Variants in NR4A2 observed in about 807,000 individuals in gnomAD.
NR4A2 encodes nuclear receptor subfamily 4 group A member 2, also known as NGFI-B/nur77 beta-type transcription factor homolog.
NR4A2 carries 1 observed loss-of-function variant against 50.5 expected under a neutral mutation model. The observed-to-expected ratio is 0.02, with a 90% CI of 0.01 to 0.09. The LOEUF is 0.09. Among genes scored for constraint, NR4A2 ranks in the 10% least tolerant of loss-of-function variants. NR4A2 has a pLI of 1.00. For missense variants in NR4A2, 613 were observed against 777.3 expected, an observed-to-expected ratio of 0.79 and a Z score of 2.51; for synonymous variants, 328 against 309.4, an observed-to-expected ratio of 1.06 and a Z score of -0.63.
rs761370208 is a variant in NR4A2 at position 156,326,845 on chromosome 2, C to T, written c.1234G>A (p.Gly412Ser). 5.6e-6 allele frequency: 9 copies of T among 1,614,126 alleles called. No homozygotes were observed. The highest frequency in any genetic ancestry group is 8.5e-7 in the Non-Finnish European group (1 of 1,180,046). Reference protein sequence around the residue: ...HIQQFYDLLTGSMEIIRGWAE... With the variant: ...HIQQFYDLLTSSMEIIRGWAE... ...CAGCCCCGGATGATCTCCATGGAGC[C>T]AGTCAGGAGATCATAGAATTGCTGG... Residue 412 changes from glycine to serine, a missense_variant, in exon 6 of 8, where the codon GGC becomes AGC. By Grantham distance (56) the Gly-to-Ser change is moderately conservative (BLOSUM62 0). Coordinates refer to ENST00000339562, the MANE Select transcript of NR4A2 (RefSeq NM_006186.4). The surrounding 1 kb of genome is among the most constrained non-coding windows in gnomAD (Gnocchi z 4.2).
rs750763014 is a variant in NR4A2 at position 156,326,361 on chromosome 2, A to G, written c.1362-33T>C. 2 of 1,587,944 alleles carry G rather than the reference A, an allele frequency of 1.3e-6. No homozygotes were observed. Among genetic ancestry groups the G allele is most frequent in the Non-Finnish European group, 8.7e-7 (1 of 1,156,050 alleles). On this transcript the variant is annotated intron_variant, in intron 6 of 7. Transcript: ENST00000339562. This position sits in a 1 kb window ranked among gnomAD's most constrained non-coding sequence, Gnocchi z 4.2. ...TAATACCAAAGAGAGAGAGGGGAGA[A>G]AAAGAGAGAGAGAAAAGCTAAACAA...
At chr2:156,332,029 GC>G (rs1159335776) in intron 1 of NR4A2, 1 of 162,434 alleles carries the variant, frequency 6.2e-6, no homozygotes, top group Non-Finnish European at 1.4e-5. Context: ...TCGCGCGCTG[GC>G]CAGCCGCGGA....
rs1322669721 is a variant in NR4A2 at position 156,329,755 on chromosome 2, G to C, written c.432C>G (p.Asp144Glu). Residue 144 changes from aspartate to glutamate, a missense_variant, in exon 3 of 8, where the codon GAC (aspartate) becomes GAG (glutamate). Around this residue, in one of 4 missense-constraint regions of NR4A2, gnomAD observed 275 missense variants for 248.9 expected, o/e 1.10. Transcript: ENST00000339562. The surrounding 1 kb of genome is among the most constrained non-coding windows in gnomAD (Gnocchi z 7.5). ...GFQVQHSPMW[D>E]DPGSLHNFHQ... Reference sequence around the variant, plus strand: ...GGAAGTTGTGGAGAGATCCCGGGTCGTCCCACATGGGGCTGTGCTGCACCT... The same window carrying C: ...GGAAGTTGTGGAGAGATCCCGGGTCCTCCCACATGGGGCTGTGCTGCACCT... 8 of 1,613,432 alleles carry C rather than the reference G, an allele frequency of 5.0e-6. No homozygotes were observed. The Admixed American group carries it at 1.2e-4, about 24-fold the overall frequency.
At chr2:156,327,761 G>A in intron 5 of NR4A2, 90 bp downstream of exon 5, 1 of 1,497,204 alleles carries the variant, frequency 6.7e-7, no homozygotes, top group East Asian at 2.5e-5. Context: ...CTTTACCCCC[G>A]TTGAATCTGA....
Position 156,328,019 on chromosome 2 carries a change from A to C in NR4A2, c.995-5T>G, listed in dbSNP as rs775789577. The C allele has an allele frequency of 1.9e-6, 3 of 1,604,226 alleles. No individual in the cohort carries two copies. The highest frequency in any genetic ancestry group is 1.1e-5 in the South Asian group (1 of 89,332). Reference sequence around the variant, plus strand: ...TTAAACTGTCTGTGCGAACCACTGCAAAGGAAGAGCCCTGTTAGCGCCGCT... The same window carrying C: ...TTAAACTGTCTGTGCGAACCACTGCCAAGGAAGAGCCCTGTTAGCGCCGCT... On this transcript the variant is annotated splice_region_variant and splice_polypyrimidine_tract_variant and intron_variant, in intron 4 of 7. Coordinates refer to ENST00000339562, the MANE Select transcript of NR4A2 (RefSeq NM_006186.4). The surrounding 1 kb of genome is among the most constrained non-coding windows in gnomAD (Gnocchi z 4.9).
In NR4A2 at chr2:156,332,611, A is replaced by G; in HGVS notation, c.-258T>C. On this transcript the variant is annotated 5_prime_UTR_variant, in exon 1 of 8. Coordinates refer to ENST00000339562, the MANE Select transcript of NR4A2 (RefSeq NM_006186.4). Reference sequence around the variant, plus strand: ...GGGAACCCGGACACCTCACGGAGGGAGGGAGCAGGGACAGGCGGCCGGCTG... The same window carrying G: ...GGGAACCCGGACACCTCACGGAGGGGGGGAGCAGGGACAGGCGGCCGGCTG... The G allele has an allele frequency of 1.4e-6, 1 of 716,556 alleles. No individual in the cohort carries two copies. The highest frequency in any genetic ancestry group is 1.4e-5 in the South Asian group (1 of 69,504). 44.4% of individuals were successfully genotyped at this position (716,556 alleles called of 1,614,324 possible). A position where few individuals can be genotyped will look rare whatever the true frequency, so the allele number is the denominator to read the frequency against.
rs1458458471 is a variant in NR4A2, at chr2:156,328,801, GAGA to G, written c.865-271_865-269del. On this transcript the variant is annotated intron_variant, in intron 3 of 7. Transcript: ENST00000339562. This position sits in a 1 kb window ranked among gnomAD's most constrained non-coding sequence, Gnocchi z 4.9. ...GCTGTGTTTTATATGCCAAGAGAAG[GAGA>G]AGGAGACGCTCAGTAAATACAAATC... 1.3e-5 allele frequency among the ~76,000 whole-genome samples: 2 copies of G among 152,106 alleles called. No individual in the cohort carries two copies. Among genetic ancestry groups the G allele is most frequent in the African/African-American group, 2.4e-5 (1 of 41,408 alleles).
At chr2:156,331,667 A>G (rs1049432939) in intron 1 of NR4A2, 3 of 152,238 alleles carry the variant, frequency 2.0e-5, no homozygotes, top group Non-Finnish European at 4.4e-5. Context: ...AAGACATTCT[A>G]GAGCACAGAC....
In NR4A2 at chr2:156,326,159, T is replaced by C. The variant is rs752278607; in HGVS notation, c.1531A>G (p.Met511Val). The C allele has an allele frequency of 1.2e-5, 19 of 1,614,092 alleles. No individual in the cohort carries two copies. Among genetic ancestry groups the C allele is most frequent in the East Asian group, 2.2e-5 (1 of 44,902 alleles). Residue 511 changes from methionine to valine, a missense_variant, in exon 7 of 8, where the codon ATG becomes GTG. Coordinates refer to ENST00000339562, the MANE Select transcript of NR4A2 (RefSeq NM_006186.4). The surrounding 1 kb of genome is among the most constrained non-coding windows in gnomAD (Gnocchi z 4.2). ...CGCCTGCAGTACTGACCTGTGACCA[T>C]AGCCAGGGCAGCAATGCAGGAGAAG... ...SAFSCIAALA[M>V]VTERHGLKEP...
At position 156,325,942 on chromosome 2, in the gene NR4A2, A is replaced by C; in HGVS notation, c.1599T>G (p.Asn533Lys). The C allele has an allele frequency of 6.2e-7, 1 of 1,614,160 alleles. No individual in the cohort carries two copies. The highest frequency in any genetic ancestry group is 8.5e-7 in the Non-Finnish European group (1 of 1,180,020). ...TGAAAGTCACGTGGTCTTTGAGACA[A>C]TTTACAATCTTGTTTTGCAGTTCTT... ...RVEELQNKIV[N>K]CLKDHVTFNN... Residue 533 changes from asparagine to lysine, a missense_variant, in exon 8 of 8, where the codon AAT becomes AAG. Coordinates refer to ENST00000339562, the MANE Select transcript of NR4A2 (RefSeq NM_006186.4).
Position 156,325,616 on chromosome 2 carries a change from A to G in NR4A2, c.*128T>C. ...TTCTTTAGGGATCAAGGGGGCTAGG[A>G]GGGTTACAGAAATGGGGGGCAGCTT... On this transcript the variant is annotated 3_prime_UTR_variant, in exon 8 of 8. Transcript: ENST00000339562. The G allele has an allele frequency of 8.5e-7, 1 of 1,173,990 alleles. No homozygotes were observed. Among genetic ancestry groups the G allele is most frequent in the South Asian group, 1.2e-5 (1 of 81,450 alleles). The allele number at this position is 1,173,990 out of a possible 1,614,324, so 72.7% of individuals were successfully genotyped here.
chr2:156,326,042 A>G lies in NR4A2; in HGVS notation c.1541-42T>C, dbSNP rs1241386747. The stretch of plus-strand genomic sequence containing the variant: ...CAGAAACAAAAGAAGAATGTACAAG[A>G]CAGTTAGCTAGTTGGCAAAACCAAG... On this transcript the variant is annotated intron_variant, in intron 7 of 7. Transcript: ENST00000339562. This position sits in a 1 kb window ranked among gnomAD's most constrained non-coding sequence, Gnocchi z 4.2. The G allele has an allele frequency of 1.9e-6, 3 of 1,613,998 alleles. No homozygotes were observed. The highest frequency in any genetic ancestry group is 1.7e-5 in the Admixed American group (1 of 60,004).
At position 156,328,085 on chromosome 2, in the gene NR4A2, G is replaced by C. The variant is rs967464857; in HGVS notation, c.995-71C>G. ...CCAGCTGCTGCCTCGGTCCCTCCCCGGGGAAGGCCGCAGCCGCGGGGCACC... is the reference window on the plus strand; with the variant it reads ...CCAGCTGCTGCCTCGGTCCCTCCCCCGGGAAGGCCGCAGCCGCGGGGCACC... On this transcript the variant is annotated intron_variant, in intron 4 of 7. Coordinates refer to ENST00000339562, the MANE Select transcript of NR4A2 (RefSeq NM_006186.4). The surrounding 1 kb of genome is among the most constrained non-coding windows in gnomAD (Gnocchi z 4.9). The C allele has an allele frequency of 1.9e-5, 30 of 1,553,208 alleles. No homozygotes were observed. The South Asian group carries it at 2.7e-4, about 14-fold the overall frequency.
At position 156,327,896 on chromosome 2, in the gene NR4A2, G is replaced by A. The variant is rs1205824315; in HGVS notation, c.1113C>T (p.Ala371=). The change falls in exon 5 of 8, where the codon GCC becomes GCT. Residue 371 remains alanine (A), a synonymous_variant. Transcript: ENST00000339562. ...PVSLISALVR[A]HVDSNPAMTS... Reference sequence around the variant, plus strand: ...TCATAGCCGGGTTGGAGTCGACATGGGCCCTGACGAGGGCACTGATCAGAC... The same window carrying A: ...TCATAGCCGGGTTGGAGTCGACATGAGCCCTGACGAGGGCACTGATCAGAC... 1 of 1,594,836 alleles carries A rather than the reference G, an allele frequency of 6.3e-7. No individual in the cohort carries two copies. Among genetic ancestry groups the A allele is most frequent in the Non-Finnish European group, 8.5e-7 (1 of 1,170,026 alleles).
intron 1 of NR4A2, chr2:156,332,009 C>T (rs757526850): frequency 9.6e-4 from 161 of 167,276 alleles, no homozygotes; most frequent in Middle Eastern, 3.0e-3. Context: ...TCAACAATAC[C>T]CGGGAAACAT....
At chr2:156,330,320 CAG>C in intron 2 of NR4A2, 132 bp from the exon 3 acceptor site, 2 of 1,053,464 alleles carry the variant, frequency 1.9e-6, no homozygotes, top group Non-Finnish European at 2.8e-6. Context: ...AGAGGAAAGG[CAG>C]GAGAGAGAGA....
rs574947735 is a variant in NR4A2 at position 156,329,161 on chromosome 2, C to A, written c.864+162G>T. On this transcript the variant is annotated intron_variant, in intron 3 of 7. Transcript: ENST00000339562. The surrounding 1 kb of genome is among the most constrained non-coding windows in gnomAD (Gnocchi z 7.5). ...CTCAGACACCCGGAAGTCCCCGCCG[C>A]AGCCCATGGTCTCCTGCAGGGCAGC... Among the ~76,000 whole-genome samples, 1 of 152,366 alleles carries A rather than the reference C, an allele frequency of 6.6e-6. No homozygotes were observed. Among genetic ancestry groups the A allele is most frequent in the South Asian group, 2.1e-4 (1 of 4,832 alleles).
At chr2:156,330,602 C>A in intron 2 of NR4A2, 66 bp downstream of exon 2, 3 of 1,380,808 alleles carry the variant, frequency 2.2e-6, no homozygotes, top group Non-Finnish European at 2.8e-6. Context: ...CAGGGTTTGC[C>A]TTGTCCTGTT....
chr2:156,326,937 A>G lies in NR4A2; in HGVS notation c.1159-17T>C. ...CGCCTGGAACTGGAATTTCATTTTA[A>G]AAAGCACTTAATGAGGTTCTCTAAA... On this transcript the variant is annotated splice_polypyrimidine_tract_variant and intron_variant, in intron 5 of 7. Transcript: ENST00000339562. This position sits in a 1 kb window ranked among gnomAD's most constrained non-coding sequence, Gnocchi z 4.2. 1 of 1,612,494 alleles carries G rather than the reference A, an allele frequency of 6.2e-7. No homozygotes were observed. The highest frequency in any genetic ancestry group is 1.7e-4 in the Middle Eastern group (1 of 6,022).
Sources: allele counts gnomAD v4.1 joint callset (sites outside exome capture counted in the v4.1 genomes callset), GRCh38; gene constraint gnomAD v4.1.1; regional missense constraint gnomAD v4.1.1; non-coding constraint Gnocchi (gnomAD v3.1); transcripts MANE v1.5; gene names NCBI Gene and HGNC (gene_info 2026-07-23, HGNC 2026-07-21).